Variants in TRIM5 observed in about 807,000 individuals in gnomAD.
TRIM5 encodes the protein tripartite motif containing 5.
TRIM5 carries 31 observed loss-of-function variants against 35.6 expected under a neutral mutation model. That is an observed-to-expected ratio of 0.87 (90% CI 0.65 to 1.18). TRIM5 has a LOEUF of 1.18. Ranked by LOEUF, TRIM5 falls within the 50% of genes most tolerant of loss-of-function variation. The probability of loss-of-function intolerance (pLI) is 0.00; values close to 1 mark genes in which losing one functional copy is unlikely to be tolerated. For missense variants in TRIM5, 609 were observed against 591.6 expected (o/e 1.03, Z -0.31); for synonymous variants, 243 against 215.6 (o/e 1.13, Z -1.11).
At chr11:5,677,048 G>A (rs1852040292) in intron 4 of TRIM5, among the ~76,000 whole-genome samples, 1 of 152,158 alleles carries the variant, frequency 6.6e-6, no homozygotes, top group African/African-American at 2.4e-5. Context: ...CATGGACAAG[G>A]ACTTCATGTC....
At chr11:5,634,623 C>T in the TRIM5 span, 1 of 1,607,964 alleles carries the variant, frequency 6.2e-7, no homozygotes, top group Non-Finnish European at 8.5e-7. Flanking sequence ...TCTTGTCCAT[C>T]CTTGCAGTAT....
chr11:5,606,839 T>C, the TRIM5 span, among the ~76,000 whole-genome samples: 1 of 152,220 alleles, frequency 6.6e-6, no homozygotes, highest in Admixed American at 6.5e-5. Flanking sequence ...AAATAAACTT[T>C]CTGGAATTTT....
At chr11:5,603,250 C>A in the TRIM5 span, 10 of 1,613,150 alleles carry the variant, frequency 6.2e-6, no homozygotes, top group South Asian at 1.1e-4. Context: ...ACCTAGGATT[C>A]TACAGGCAGG....
At chr11:5,644,222 T>G in the TRIM5 span, 2 of 398,798 alleles carry the variant, frequency 5.0e-6, no homozygotes, top group Admixed American at 4.4e-5. Context: ...AAACCTTGCC[T>G]GTTGTTTTCT....
chr11:5,604,000 C>T, the TRIM5 span, among the ~76,000 whole-genome samples: 1 of 151,678 alleles, frequency 6.6e-6, no homozygotes, highest in African/African-American at 2.4e-5. Flanking sequence ...TTTATTTACT[C>T]ATGTATTTAT....
chr11:5,682,352 T>G (rs1202341635), intron 1 of TRIM5, among the ~76,000 whole-genome samples: 2 of 152,068 alleles, frequency 1.3e-5, no homozygotes, highest in African/African-American at 4.8e-5. Context: ...GCTCTGCTTT[T>G]GGGGGGCAGA....
At chr11:5,639,160 G>C in the TRIM5 span, among the ~76,000 whole-genome samples, 1 of 152,044 alleles carries the variant, frequency 6.6e-6, no homozygotes, top group African/African-American at 2.4e-5. Flanking sequence ...TAAAGGGTTT[G>C]TTTTCACATT....
rs1025975907 is a variant in TRIM5, at chr11:5,680,104, G to C, written c.74C>G (p.Pro25Arg). The change falls in exon 2 of 8, where the codon CCC (proline) becomes CGC (arginine). Residue 25 changes from proline (P) to arginine (R), a missense_variant. By Grantham distance (103) the Pro-to-Arg change is moderately radical. Transcript: ENST00000380034. ...CPICLELLTQ[P>R]LSLDCGHSFC... ...GCTGTGGCCGCAGTCCAGGCTCAGGGGTTGTGTCAGGAGTTCCAGGCAGAT... is the reference window on the plus strand; with the variant it reads ...GCTGTGGCCGCAGTCCAGGCTCAGGCGTTGTGTCAGGAGTTCCAGGCAGAT... The C allele has an allele frequency of 2.5e-6, 4 of 1,614,076 alleles. No homozygotes were observed. Among genetic ancestry groups the C allele is most frequent in the Non-Finnish European group, 3.4e-6 (4 of 1,180,016 alleles).
the TRIM5 span, among the ~76,000 whole-genome samples, chr11:5,647,795 A>G: frequency 5.3e-5 from 8 of 152,176 alleles, no homozygotes; most frequent in Non-Finnish European, 8.8e-5. Context: ...TGCTGGGATT[A>G]TAAGCGTGAA....
the TRIM5 span, among the ~76,000 whole-genome samples, chr11:5,651,511 T>C: frequency 1.2e-4 from 18 of 152,208 alleles, no homozygotes; most frequent in Non-Finnish European, 2.5e-4. Flanking sequence ...CCATGGTGTA[T>C]AGGTACCACA....
the TRIM5 span, chr11:5,643,339 A>G: frequency 6.2e-7 from 1 of 1,613,832 alleles, no homozygotes; most frequent in African/African-American, 1.3e-5. Context: ...CTGGGGGTAT[A>G]CTGTAGAACA....
chr11:5,664,501 G>C lies in TRIM5; in HGVS notation c.*308C>G. On this transcript the variant is annotated 3_prime_UTR_variant, in exon 8 of 8. Coordinates refer to ENST00000380034, the MANE Select transcript of TRIM5 (RefSeq NM_033034.3). ...CTTCATCTTCTTAGTCAGTGTCAGA[G>C]GCAATTGGGTGATAAATATCTGGCA... The C allele has an allele frequency of 1.9e-6, 2 of 1,077,604 alleles. No homozygotes were observed. Among genetic ancestry groups the C allele is most frequent in the Non-Finnish European group, 2.3e-6 (2 of 888,236 alleles). 66.8% of individuals were successfully genotyped at this position (1,077,604 alleles called of 1,614,324 possible). A position where few individuals can be genotyped will look rare whatever the true frequency, so the allele number is the denominator to read the frequency against.
chr11:5,640,236 A>G, the TRIM5 span, among the ~76,000 whole-genome samples: 1 of 152,190 alleles, frequency 6.6e-6, no homozygotes, highest in Non-Finnish European at 1.5e-5. Context: ...ACCACAAAGT[A>G]TGATGTTAGC....
At chr11:5,627,756 T>A in the TRIM5 span, among the ~76,000 whole-genome samples, 1 of 152,158 alleles carries the variant, frequency 6.6e-6, no homozygotes, top group African/African-American at 2.4e-5. Flanking sequence ...TCTCTGGATG[T>A]CAAAACAGGC....
chr11:5,670,217 A>C (rs541708857), intron 4 of TRIM5, among the ~76,000 whole-genome samples: 1 of 110,144 alleles, frequency 9.1e-6, no homozygotes, highest in Non-Finnish European at 1.7e-5. Context: ...TCACTCTGTC[A>C]CCCAGGCTGG....
the TRIM5 span, among the ~76,000 whole-genome samples, chr11:5,614,202 ACTT>A: frequency 6.6e-6 from 1 of 152,222 alleles, no homozygotes; most frequent in Non-Finnish European, 1.5e-5. Context: ...AAAGAAATGT[ACTT>A]CTTGTTAATG....
chr11:5,636,491 C>T, the TRIM5 span, among the ~76,000 whole-genome samples: 3 of 152,164 alleles, frequency 2.0e-5, no homozygotes, highest in Non-Finnish European at 4.4e-5. Context: ...AAATTGTGCA[C>T]TGTAAAGGGC....
the TRIM5 span, among the ~76,000 whole-genome samples, chr11:5,636,447 G>T: frequency 7.2e-5 from 11 of 152,186 alleles, no homozygotes; most frequent in Admixed American, 6.5e-4. Flanking sequence ...TGCAATGACG[G>T]TTGCACTACA....
chr11:5,588,861 G>T, the TRIM5 span: 7 of 151,218 alleles, frequency 4.6e-5, no homozygotes, highest in African/African-American at 1.5e-4. Flanking sequence ...TCATCCCACT[G>T]CGACCTCCAC....
Sources: allele counts gnomAD v4.1 joint callset (sites outside exome capture counted in the v4.1 genomes callset), GRCh38; gene constraint gnomAD v4.1.1; transcripts MANE v1.5; gene names NCBI Gene and HGNC (gene_info 2026-07-23, HGNC 2026-07-21).